Variants in CAST observed in about 807,000 individuals in gnomAD.
CAST encodes the protein calpastatin.
Under a neutral mutation model 119.6 loss-of-function variants are expected in CAST, and 76 were observed. The observed-to-expected ratio is 0.64, with a 90% CI of 0.53 to 0.77. The LOEUF (loss-of-function observed/expected upper bound fraction) is 0.77. Among genes scored for constraint, CAST ranks in the 30% least tolerant of loss-of-function variants. CAST has a pLI of 0.00. For missense variants in CAST, 953 were observed against 946.5 expected, an observed-to-expected ratio of 1.01 and a Z score of -0.09; for synonymous variants, 319 against 331.6, an observed-to-expected ratio of 0.96 and a Z score of 0.41.
At chr5:96,620,696 T>A (rs1409596448) in intron 1 of CAST, among the ~76,000 whole-genome samples, 3 of 152,104 alleles carry the variant, frequency 2.0e-5, no homozygotes, top group Non-Finnish European at 4.4e-5. Context: ...AAGAAAAAAA[T>A]TCACCATTTT....
chr5:96,333,329 TG>T, the CAST span, among the ~76,000 whole-genome samples: 2 of 152,020 alleles, frequency 1.3e-5, no homozygotes, highest in African/African-American at 4.8e-5. Flanking sequence ...GCTCTATGTT[TG>T]GAAAAGAGGC....
the CAST span, among the ~76,000 whole-genome samples, chr5:96,380,695 G>GAGGTTGAT: frequency 1.3e-5 from 2 of 152,160 alleles, no homozygotes; most frequent in Non-Finnish European, 2.9e-5. Flanking sequence ...CTACTACCAT[G>GAGGTTGAT]AGGTTGATGG....
At chr5:96,333,607 C>A in the CAST span, among the ~76,000 whole-genome samples, 1 of 152,168 alleles carries the variant, frequency 6.6e-6, no homozygotes, top group East Asian at 1.9e-4. Flanking sequence ...GAAGCTCCTT[C>A]TTCCTGCTGT....
At chr5:96,414,176 G>T in the CAST span, among the ~76,000 whole-genome samples, 3 of 151,248 alleles carry the variant, frequency 2.0e-5, no homozygotes, top group African/African-American at 7.3e-5. Flanking sequence ...GCTCTTACCA[G>T]CTGTGGAATC....
the CAST span, chr5:96,408,161 T>G: frequency 1.7e-6 from 2 of 1,174,724 alleles, no homozygotes; most frequent in Non-Finnish European, 1.3e-6. Flanking sequence ...GAAAAAAAAG[T>G]GTTATTAAAA....
chr5:96,734,022 G>A (rs1190761686), intron 9 of CAST, among the ~76,000 whole-genome samples: 1 of 152,216 alleles, frequency 6.6e-6, no homozygotes, highest in Non-Finnish European at 1.5e-5. Context: ...CCCCCACAAG[G>A]TGTTATTTGG....
chr5:96,592,603 T>C (rs1746982677), intron 1 of CAST, among the ~76,000 whole-genome samples: 1 of 152,196 alleles, frequency 6.6e-6, no homozygotes, highest in Admixed American at 6.5e-5. Flanking sequence ...TTTCTCTCTA[T>C]AGTTTTTTTT....
At chr5:96,409,871 G>T in the CAST span, among the ~76,000 whole-genome samples, 1 of 152,206 alleles carries the variant, frequency 6.6e-6, no homozygotes, top group Non-Finnish European at 1.5e-5. Flanking sequence ...AAACTAGCTT[G>T]CAGAAGTGAT....
chr5:96,076,906 T>C, the CAST span, among the ~76,000 whole-genome samples: 4 of 151,622 alleles, frequency 2.6e-5, no homozygotes, highest in Non-Finnish European at 5.9e-5. Context: ...CTTCCCAATA[T>C]GATATATATT....
At chr5:96,421,281 G>T in the CAST span, among the ~76,000 whole-genome samples, 1 of 152,214 alleles carries the variant, frequency 6.6e-6, no homozygotes, top group Non-Finnish European at 1.5e-5. Context: ...GGAGTCGGGT[G>T]CTGTCTCCTC....
At chr5:96,272,608 GA>G in the CAST span, among the ~76,000 whole-genome samples, 1 of 152,160 alleles carries the variant, frequency 6.6e-6, no homozygotes, top group Admixed American at 6.5e-5. Flanking sequence ...ATGGTAGGGA[GA>G]GGGGGGATGA....
chr5:96,030,872 TTG>T, the CAST span, among the ~76,000 whole-genome samples: 1 of 152,180 alleles, frequency 6.6e-6, no homozygotes, highest in South Asian at 2.1e-4. Context: ...TAAAGAGACC[TTG>T]TCTCTATAAA....
the CAST span, among the ~76,000 whole-genome samples, chr5:95,987,910 C>T: frequency 6.6e-6 from 1 of 152,186 alleles, no homozygotes; most frequent in Non-Finnish European, 1.5e-5. Flanking sequence ...TAGTGGCTAC[C>T]ATATTGGACA....
chr5:96,640,048 A>G (rs1016523432), intron 1 of CAST, among the ~76,000 whole-genome samples: 2 of 152,236 alleles, frequency 1.3e-5, no homozygotes, highest in Non-Finnish European at 2.9e-5. Context: ...AAGATTACTT[A>G]GTAAAATAGG....
At chr5:96,749,839 C>A (rs1764589371) in intron 19 of CAST, among the ~76,000 whole-genome samples, 1 of 152,210 alleles carries the variant, frequency 6.6e-6, no homozygotes, top group African/African-American at 2.4e-5. Flanking sequence ...AGCCACCACA[C>A]CCAGCCTTGA....
intron 3 of CAST, among the ~76,000 whole-genome samples, chr5:96,722,018 A>G (rs1220674708): frequency 4.6e-5 from 7 of 152,206 alleles, no homozygotes; most frequent in Non-Finnish European, 8.8e-5. Flanking sequence ...CATCCACCCA[A>G]GTCTATTTAC....
the CAST span, among the ~76,000 whole-genome samples, chr5:96,168,122 G>A: frequency 1.3e-5 from 2 of 152,210 alleles, no homozygotes; most frequent in African/African-American, 4.8e-5. Flanking sequence ...TGCCTTGTGT[G>A]AGAAGAGATT....
chr5:96,703,212 C>T (rs1336692081), intron 3 of CAST, among the ~76,000 whole-genome samples: 2 of 150,780 alleles, frequency 1.3e-5, no homozygotes, highest in African/African-American at 5.0e-5. Flanking sequence ...TTGTGTGGCC[C>T]GGTACAAGTG....
At chr5:96,381,189 C>T in the CAST span, among the ~76,000 whole-genome samples, 1 of 151,970 alleles carries the variant, frequency 6.6e-6, no homozygotes, top group African/African-American at 2.4e-5. Context: ...TAAAACAATG[C>T]AATTCTTCTC....
Sources: gnomAD v4.1 joint callset for allele counts (sites outside exome capture counted in the v4.1 genomes callset) on GRCh38, gnomAD v4.1.1 for gene constraint, MANE v1.5 for transcripts, NCBI Gene and HGNC (gene_info 2026-07-23, HGNC 2026-07-21) for gene names.